The following SEMA5B variants were observed in gnomAD, a reference collection of about 807,000 sequenced individuals.
The protein encoded by SEMA5B is semaphorin-5B.
SEMA5B carries 66 observed loss-of-function variants against 135.0 expected under a neutral mutation model. The observed-to-expected ratio is 0.49, with a 90% CI of 0.40 to 0.60. The LOEUF (loss-of-function observed/expected upper bound fraction) is 0.60. SEMA5B is among the 20% of genes least tolerant of loss of function. The pLI, the probability that SEMA5B is intolerant of heterozygous loss-of-function variation, is 0.00. For synonymous variants in SEMA5B, 690 were observed against 639.5 expected, an observed-to-expected ratio of 1.08 and a Z score of -1.19; for missense variants, 1,501 against 1,566.3, an observed-to-expected ratio of 0.96 and a Z score of 0.70.
intron 1 of SEMA5B, among the ~76,000 whole-genome samples, chr3:123,025,266 G>T (rs1016390405): frequency 3.3e-5 from 5 of 152,026 alleles, no homozygotes; most frequent in Admixed American, 3.3e-4. Context: ...TGTCCCACCT[G>T]AGTCATCGAG....
At position 123,021,390 on chromosome 3, in the gene SEMA5B, CAA is replaced by C. The variant is rs368365410; in HGVS notation, c.-39+6072_-39+6073del. 1.3e-3 allele frequency among the ~76,000 whole-genome samples: 195 copies of C among 152,296 alleles called. 1 individual carries two copies. The highest frequency in any genetic ancestry group is 4.5e-3 in the African/African-American group (186 of 41,558). ...AGCAGAGGGAGCTGGCTGCTAGAAACAAAAGTTTGTATGAAATGATAAGATCT... is the reference window on the plus strand; with the variant it reads ...AGCAGAGGGAGCTGGCTGCTAGAAACAAGTTTGTATGAAATGATAAGATCT... On this transcript the variant is annotated intron_variant, in intron 1 of 22. Transcript: ENST00000357599.
At chr3:122,993,355 C>G (rs975099670) in intron 1 of SEMA5B, 1 of 152,302 alleles carries the variant, frequency 6.6e-6, no homozygotes, top group African/African-American at 2.4e-5. Context: ...CTGGCCACCC[C>G]ACAAGGGCTG....
At chr3:123,014,652 C>A (rs1175574484) in intron 1 of SEMA5B, among the ~76,000 whole-genome samples, 2 of 152,218 alleles carry the variant, frequency 1.3e-5, no homozygotes, top group Non-Finnish European at 2.9e-5. Context: ...GATCAATATA[C>A]AAGAAGCACT....
chr3:122,922,590 G>T, intron 10 of SEMA5B, 143 bp from the exon 11 acceptor site: 1 of 740,468 alleles, frequency 1.4e-6, no homozygotes, highest in Non-Finnish European at 2.2e-6. Flanking sequence ...ATCCCTGCTG[G>T]GCGTCCTGCA....
At chr3:122,982,122 G>A (rs111643135) in intron 1 of SEMA5B, among the ~76,000 whole-genome samples, 9 of 152,192 alleles carry the variant, frequency 5.9e-5, no homozygotes, top group African/African-American at 2.2e-4. Flanking sequence ...GGACAAGGGT[G>A]GAGGGTCGAG....
chr3:122,949,061 A>C (rs1264833798), intron 2 of SEMA5B, among the ~76,000 whole-genome samples: 2 of 152,252 alleles, frequency 1.3e-5, no homozygotes, highest in Non-Finnish European at 2.9e-5. Flanking sequence ...ATCTGGATCC[A>C]TAACTCATAC....
chr3:122,944,111 C>T lies in SEMA5B; in HGVS notation c.329-576G>A, dbSNP rs940901198. On this transcript the variant is annotated intron_variant, in intron 3 of 22. Coordinates refer to ENST00000357599, the MANE Select transcript of SEMA5B (RefSeq NM_001031702.4). ...ACCCCCAGGAAAAGTCCAACTCCTG[C>T]GAAGGCCCTTGGGTTCTGGTCCACT... Among the ~76,000 whole-genome samples the T allele has an allele frequency of 5.3e-5, 8 of 152,184 alleles. No individual in the cohort carries two copies. In the South Asian group the frequency reaches 6.2e-4, roughly 12 times the overall value.
intron 3 of SEMA5B, among the ~76,000 whole-genome samples, chr3:122,946,536 A>G (rs1355517026): frequency 6.6e-6 from 1 of 152,118 alleles, no homozygotes; most frequent in Non-Finnish European, 1.5e-5. Flanking sequence ...TCCCCAGAGC[A>G]CAGTCCTTTG....
intron 1 of SEMA5B, among the ~76,000 whole-genome samples, chr3:123,026,101 G>C (rs909551640): frequency 3.3e-5 from 5 of 152,210 alleles, no homozygotes. Context: ...CCCCGAGGCC[G>C]AAGTGGGTTG....
chr3:122,936,590 C>T (rs759408041), intron 5 of SEMA5B, among the ~76,000 whole-genome samples: 2 of 152,216 alleles, frequency 1.3e-5, no homozygotes, highest in Admixed American at 6.5e-5. Flanking sequence ...CCAGCCAGGT[C>T]GTCCCATGGA....
In SEMA5B at chr3:122,913,662, G is replaced by C. The variant is rs749287292; in HGVS notation, c.2152C>G (p.Pro718Ala). Residue 718 changes from proline (P) to alanine (A), a missense_variant, in exon 16 of 23, where the codon CCT (proline) becomes GCT (alanine). Pro to Ala is a conservative substitution (Grantham distance 27, BLOSUM62 -1). Transcript: ENST00000357599. ...GCCCAGAAGATGGGCACCGGGCAAG[G>C]CGTGTTCTCATTACAGAACCTGGGG... Reference protein sequence around the residue: ...REERFCNENTPCPVPIFWASW... With the variant: ...REERFCNENTACPVPIFWASW... The C allele has an allele frequency of 1.7e-5, 28 of 1,613,628 alleles. No individual in the cohort carries two copies. In the Admixed American group the frequency reaches 4.7e-4, roughly 27 times the overall value.
intron 4 of SEMA5B, 82 bp downstream of exon 4, chr3:122,943,354 G>T (rs2107529872): frequency 2.0e-6 from 2 of 979,436 alleles, no homozygotes; most frequent in Non-Finnish European, 3.1e-6. Context: ...GGCTGCCCAG[G>T]TGAGTTCATC....
chr3:122,932,089 T>C (rs894277472), intron 5 of SEMA5B, among the ~76,000 whole-genome samples: 3 of 152,178 alleles, frequency 2.0e-5, no homozygotes, highest in African/African-American at 7.2e-5. Context: ...CAATGAAATA[T>C]TCGTATTCTG....
At chr3:122,964,110 C>T (rs182280864) in intron 1 of SEMA5B, among the ~76,000 whole-genome samples, 1 of 152,332 alleles carries the variant, frequency 6.6e-6, no homozygotes, top group African/African-American at 2.4e-5. Flanking sequence ...AATAAATTTG[C>T]CATTTTTCTC....
In SEMA5B at chr3:122,978,928, C is replaced by T. The variant is rs138869515; in HGVS notation, c.-38-17627G>A. On this transcript the variant is annotated intron_variant, in intron 1 of 22. Coordinates refer to ENST00000357599, the MANE Select transcript of SEMA5B (RefSeq NM_001031702.4). ...ACCCCTTCTGTGCAACCTCAAATGT[C>T]ACCTGGCTCCCTTCATGCTCGTCCT... is the stretch of plus-strand genomic sequence containing the variant. Among the ~76,000 whole-genome samples, 403 of 152,308 alleles carry T rather than the reference C, an allele frequency of 2.6e-3. 2 individuals carry two copies. Among genetic ancestry groups the T allele is most frequent in the African/African-American group, 9.3e-3 (387 of 41,570 alleles).
At chr3:122,944,781 C>CCCTT (rs1939711463) in intron 3 of SEMA5B, among the ~76,000 whole-genome samples, 1 of 152,222 alleles carries the variant, frequency 6.6e-6, no homozygotes, top group Admixed American at 6.5e-5. Context: ...ACACACTTCT[C>CCCTT]CCTTCTTGAT....
At chr3:122,984,650 C>T (rs746393796) in intron 1 of SEMA5B, among the ~76,000 whole-genome samples, 5 of 151,974 alleles carry the variant, frequency 3.3e-5, no homozygotes, top group Non-Finnish European at 5.9e-5. Context: ...GTAATGGGTA[C>T]GCTAGAAGCC....
intron 4 of SEMA5B, among the ~76,000 whole-genome samples, chr3:122,940,101 C>A (rs372544327): frequency 2.6e-5 from 4 of 152,330 alleles, no homozygotes; most frequent in South Asian, 2.1e-4. Context: ...TCCACCACCT[C>A]ACCATCCCTC....
chr3:122,917,689 T>C (rs1170543204), intron 12 of SEMA5B, among the ~76,000 whole-genome samples: 1 of 152,186 alleles, frequency 6.6e-6, no homozygotes, highest in Admixed American at 6.5e-5. Flanking sequence ...GAGGCAATCA[T>C]GGGAGCCCGG....
Sources: gnomAD v4.1 joint callset for allele counts (sites outside exome capture counted in the v4.1 genomes callset) on GRCh38, gnomAD v4.1.1 for gene constraint, MANE v1.5 for transcripts, NCBI Gene and HGNC (gene_info 2026-07-23, HGNC 2026-07-21) for gene names.